ADARB2: variants seen among roughly 807,000 people sequenced by gnomAD.
ADARB2 encodes inactive double-stranded RNA-specific editase B2.
Under a neutral mutation model 62.2 loss-of-function variants are expected in ADARB2, and 25 were observed. The observed-to-expected ratio is 0.40, with a 90% CI of 0.29 to 0.56. The LOEUF is 0.56. Ranked by LOEUF, ADARB2 falls within the 20% of genes least tolerant of loss-of-function variation. The pLI is 0.43. For synonymous variants in ADARB2, 572 were observed against 500.8 expected (o/e 1.14, Z -1.90); for missense variants, 1,071 against 1,077.4 (o/e 0.99, Z 0.08).
intron 1 of ADARB2, among the ~76,000 whole-genome samples, chr10:1,476,166 A>C (rs1409309000): frequency 2.0e-5 from 3 of 152,104 alleles, no homozygotes; most frequent in Non-Finnish European, 4.4e-5. Flanking sequence ...AGAGAGAGAC[A>C]GAAAAAGAGA....
At chr10:1,401,365 C>T (rs2131872168) in intron 1 of ADARB2, among the ~76,000 whole-genome samples, 1 of 152,374 alleles carries the variant, frequency 6.6e-6, no homozygotes, top group African/African-American at 2.4e-5. Flanking sequence ...TTCGGTCATG[C>T]TGCGGGAAGC....
At chr10:1,405,629 C>CAAAAAA (rs3029747) in intron 1 of ADARB2, among the ~76,000 whole-genome samples, 2 of 86,940 alleles carry the variant, frequency 2.3e-5, no homozygotes, top group Non-Finnish European at 4.5e-5. Context: ...GATTCAGTCT[C>CAAAAAA]AAAAAAAAAA....
intron 4 of ADARB2, among the ~76,000 whole-genome samples, chr10:1,244,707 C>T (rs966718983): frequency 2.0e-5 from 3 of 152,108 alleles, no homozygotes; most frequent in Non-Finnish European, 4.4e-5. Flanking sequence ...AGAAATGTCG[C>T]GGAAGTGCTG....
chr10:1,259,607 T>G (rs1362924561), intron 4 of ADARB2, among the ~76,000 whole-genome samples: 2 of 152,106 alleles, frequency 1.3e-5, no homozygotes, highest in African/African-American at 2.4e-5. Context: ...AAGGAAGAAG[T>G]TGAATCTCTG....
intron 1 of ADARB2, among the ~76,000 whole-genome samples, chr10:1,653,576 CAT>C (rs201707434): frequency 7.1e-6 from 1 of 141,694 alleles, no homozygotes; most frequent in Non-Finnish European, 1.6e-5. Flanking sequence ...CCCCACGCCT[CAT>C]GTGCCTGCAG....
chr10:1,183,404 C>A lies in ADARB2; in HGVS notation c.2044-35G>T, dbSNP rs184398087. On this transcript the variant is annotated intron_variant, in intron 9 of 9. Transcript: ENST00000381312. The stretch of plus-strand genomic sequence containing the variant: ...AGAAGGAGAAAGAGCCAATCAGACA[C>A]CAGCAGAAAAGGAGCTTCTGCTAGG... The A allele has an allele frequency of 4.1e-4, 650 of 1,596,110 alleles. 2 individuals carry two copies. The South Asian group carries it at 4.6e-3, about 11-fold the overall frequency.
chr10:1,643,487 G>A (rs1035859402), intron 1 of ADARB2, among the ~76,000 whole-genome samples: 2 of 152,200 alleles, frequency 1.3e-5, no homozygotes, highest in African/African-American at 2.4e-5. Context: ...TGATGGTGGG[G>A]GGCTAGGGTT....
intron 1 of ADARB2, among the ~76,000 whole-genome samples, chr10:1,471,627 A>G (rs1831324005): frequency 6.6e-6 from 1 of 152,216 alleles, no homozygotes; most frequent in African/African-American, 2.4e-5. Flanking sequence ...TCCTGACCTC[A>G]GGTGATCCTC....
At chr10:1,654,499 G>A (rs1276395471) in intron 1 of ADARB2, among the ~76,000 whole-genome samples, 1 of 152,138 alleles carries the variant, frequency 6.6e-6, no homozygotes, top group African/African-American at 2.4e-5. Flanking sequence ...CCTCCCCTGT[G>A]CAGCCCCACC....
intron 1 of ADARB2, among the ~76,000 whole-genome samples, chr10:1,456,649 C>T (rs768262729): frequency 3.3e-5 from 5 of 152,130 alleles, no homozygotes; most frequent in Admixed American, 6.6e-5. Flanking sequence ...AAGGTGTGCT[C>T]GAGACGCGCG....
At chr10:1,717,211 T>C (rs918547411) in intron 1 of ADARB2, among the ~76,000 whole-genome samples, 4 of 144,808 alleles carry the variant, frequency 2.8e-5, no homozygotes, top group Non-Finnish European at 6.0e-5. Flanking sequence ...CTCTTCCCAT[T>C]TGCAGACACA....
chr10:1,651,083 G>A (rs986348282), intron 1 of ADARB2, among the ~76,000 whole-genome samples: 3 of 152,220 alleles, frequency 2.0e-5, no homozygotes, highest in Non-Finnish European at 4.4e-5. Context: ...CAGACGGCCC[G>A]GCTTCTGTGT....
intron 3 of ADARB2, among the ~76,000 whole-genome samples, chr10:1,273,812 C>T (rs1392877282): frequency 1.3e-5 from 2 of 152,234 alleles, no homozygotes; most frequent in Non-Finnish European, 2.9e-5. Flanking sequence ...CAAGCCCCAT[C>T]CTGCCAGGAC....
At chr10:1,351,480 CCCCACCTG>C (rs910336902) in intron 3 of ADARB2, among the ~76,000 whole-genome samples, 29 of 151,990 alleles carry the variant, frequency 1.9e-4, no homozygotes, top group Non-Finnish European at 3.5e-4. Flanking sequence ...TTTTAGTTAT[CCCCACCTG>C]CCCAGTTCCC....
At chr10:1,356,195 T>A (rs1832193491) in intron 3 of ADARB2, among the ~76,000 whole-genome samples, 1 of 152,216 alleles carries the variant, frequency 6.6e-6, no homozygotes, top group Non-Finnish European at 1.5e-5. Flanking sequence ...CTGTTTTTCC[T>A]TCCCTAAAAG....
intron 7 of ADARB2, among the ~76,000 whole-genome samples, chr10:1,210,637 C>CAT (rs1242431800): frequency 2.6e-5 from 4 of 152,244 alleles, no homozygotes; most frequent in African/African-American, 9.6e-5. Context: ...TCAATCACGT[C>CAT]GCAGCGATTC....
At chr10:1,573,333 T>A (rs952367326) in intron 1 of ADARB2, among the ~76,000 whole-genome samples, 9 of 152,188 alleles carry the variant, frequency 5.9e-5, no homozygotes, top group Admixed American at 2.0e-4. Flanking sequence ...CCACCCCATG[T>A]GCACCAGCTG....
rs1032544085 is a variant in ADARB2 at position 1,398,718 on chromosome 10, C to T, written c.101-19558G>A. 6.6e-6 allele frequency among the ~76,000 whole-genome samples: 1 copy of T among 152,174 alleles called. No homozygotes were observed. Among genetic ancestry groups the T allele is most frequent in the Non-Finnish European group, 1.5e-5 (1 of 68,024 alleles). ...GGTATCAGCATAGATGGAGAAGAGA[C>T]TTTCGTGCCTCTGACCCTCAAATTA... On this transcript the variant is annotated intron_variant, in intron 1 of 9. Transcript: ENST00000381312. The surrounding 1 kb of genome is among the most constrained non-coding windows in gnomAD (Gnocchi z 4.1).
intron 1 of ADARB2, among the ~76,000 whole-genome samples, chr10:1,583,324 T>C (rs1833131981): frequency 6.6e-6 from 1 of 152,226 alleles, no homozygotes; most frequent in South Asian, 2.1e-4. Flanking sequence ...AAATATGATC[T>C]TGAGAATCTA....
Sources: allele counts gnomAD v4.1 joint callset (sites outside exome capture counted in the v4.1 genomes callset), GRCh38; gene constraint gnomAD v4.1.1; non-coding constraint Gnocchi (gnomAD v3.1); transcripts MANE v1.5; gene names NCBI Gene and HGNC (gene_info 2026-07-23, HGNC 2026-07-21).